The following SLC35F6 variants were observed in gnomAD, a reference collection of about 807,000 sequenced individuals.
SLC35F6 encodes the protein ANT2-binding protein.
In SLC35F6, 26 loss-of-function variants were observed where a neutral mutation model predicts 29.4. The observed-to-expected ratio is 0.89, with a 90% confidence interval of 0.65 to 1.23. The LOEUF is 1.23. SLC35F6 is among the 50% of genes most tolerant of loss of function. The pLI, the probability that SLC35F6 is intolerant of heterozygous loss-of-function variation, is 0.00. For missense variants in SLC35F6, 428 were observed against 487.8 expected, an observed-to-expected ratio of 0.88 and a Z score of 1.15; for synonymous variants, 174 against 206.6, an observed-to-expected ratio of 0.84 and a Z score of 1.35.
At chr2:26,765,093 T>G in intron 1 of SLC35F6, 36 of 884,116 alleles carry the variant, frequency 4.1e-5, no homozygotes, top group South Asian at 1.5e-4. Context: ...AGGAGTGGTT[T>G]GGTGCAGGAA....
At position 26,778,543 on chromosome 2, in the gene SLC35F6, T is replaced by G. The variant is rs1270165489; in HGVS notation, c.*32T>G. On this transcript the variant is annotated 3_prime_UTR_variant, in exon 6 of 6. Coordinates refer to ENST00000344420, the MANE Select transcript of SLC35F6 (RefSeq NM_017877.4). ...CTGGAGGCTTCTACTGCCACCCGGG[T>G]GCTCCTTCTCCCTGAGACTGAGGCC... is the stretch of plus-strand genomic sequence containing the variant. 3 of 1,537,368 alleles carry G rather than the reference T, an allele frequency of 2.0e-6. No homozygotes were observed. In the African/African-American group the frequency reaches 4.1e-5, roughly 21 times the overall value.
chr2:26,775,455 C>T lies in SLC35F6; in HGVS notation c.323-9C>T. 1 of 1,609,822 alleles carries T rather than the reference C, an allele frequency of 6.2e-7. No individual in the cohort carries two copies. Among genetic ancestry groups the T allele is most frequent in the South Asian group, 1.1e-5 (1 of 90,940 alleles). On this transcript the variant is annotated splice_polypyrimidine_tract_variant and intron_variant, in intron 3 of 5. Coordinates refer to ENST00000344420, the MANE Select transcript of SLC35F6 (RefSeq NM_017877.4). The surrounding 1 kb of genome is among the most constrained non-coding windows in gnomAD (Gnocchi z 4.6). ...GGAAGCTAACTGTAATTTGTTTCTC[C>T]TTTCCTAGCTCTGAACATGACCAGT...
In SLC35F6 at chr2:26,775,647, G is replaced by A; in HGVS notation, c.506G>A (p.Ser169Asn). ...GCTGACCTCCTGAGCAAGCACGACA[G>A]TCAGCACAAGCTCAGCGAAGTGATC... is the stretch of plus-strand genomic sequence containing the variant. ...GLADLLSKHD[S>N]QHKLSEVITG... Residue 169 changes from serine (S) to asparagine (N), a missense_variant, in exon 4 of 6, where the codon AGT becomes AAT. Transcript: ENST00000344420. The surrounding 1 kb of genome is among the most constrained non-coding windows in gnomAD (Gnocchi z 4.6). 6.3e-7 allele frequency: 1 copy of A among 1,596,104 alleles called. No individual in the cohort carries two copies. The highest frequency in any genetic ancestry group is 8.5e-7 in the Non-Finnish European group (1 of 1,174,122).
intron 1 of SLC35F6, among the ~76,000 whole-genome samples, chr2:26,769,553 C>A (rs146480295): frequency 2.0e-5 from 3 of 152,238 alleles, no homozygotes; most frequent in Admixed American, 6.5e-5. Context: ...TCTGAGGAGC[C>A]GTGAGCCCCT....
At chr2:26,774,107 G>A in intron 1 of SLC35F6, 144 bp from the exon 2 acceptor site, 4 of 770,194 alleles carry the variant, frequency 5.2e-6, no homozygotes, top group South Asian at 1.8e-5. Context: ...TCCTTGAGGT[G>A]AAGACTGACC....
intron 1 of SLC35F6, among the ~76,000 whole-genome samples, chr2:26,765,353 A>G (rs1664078895): frequency 1.3e-5 from 1 of 79,040 alleles, no homozygotes; most frequent in Non-Finnish European, 2.5e-5. Flanking sequence ...AGTTCCCAGG[A>G]GGTTAGGGAC....
chr2:26,769,030 G>A (rs1268887837), intron 1 of SLC35F6, among the ~76,000 whole-genome samples: 1 of 152,202 alleles, frequency 6.6e-6, no homozygotes, highest in East Asian at 1.9e-4. Context: ...ACCCCAGAGA[G>A]TGGAGAAGCC....
In SLC35F6 at chr2:26,776,471, T is replaced by C. The variant is rs763422300; in HGVS notation, c.635T>C (p.Val212Ala). 11 of 1,613,964 alleles carry C rather than the reference T, an allele frequency of 6.8e-6. No individual in the cohort carries two copies. In the South Asian group the frequency reaches 1.2e-4, roughly 18 times the overall value. The change falls in exon 5 of 6, where the codon GTT becomes GCT. Residue 212 changes from valine (V) to alanine (A), a missense_variant. Transcript: ENST00000344420. ...YKHNVHPLRA[V>A]GTEGLFGFVI... ...CACAATGTGCACCCACTGCGGGCAGTTGGCACTGAGGGTGTGTGTGGGCAC... is the reference window on the plus strand; with the variant it reads ...CACAATGTGCACCCACTGCGGGCAGCTGGCACTGAGGGTGTGTGTGGGCAC...
At chr2:26,767,762 G>T (rs1194250492) in intron 1 of SLC35F6, among the ~76,000 whole-genome samples, 1 of 152,146 alleles carries the variant, frequency 6.6e-6, no homozygotes, top group East Asian at 1.9e-4. Context: ...TGTAATCCCA[G>T]ACTGGAGGCT....
intron 1 of SLC35F6, among the ~76,000 whole-genome samples, chr2:26,765,657 C>T (rs1572630008): frequency 6.6e-6 from 1 of 152,234 alleles, no homozygotes; most frequent in East Asian, 1.9e-4. Context: ...AGTGTTCTCC[C>T]TTCCCCAAAC....
In SLC35F6 at chr2:26,775,138, C is replaced by T. The variant is rs370226573; in HGVS notation, c.245C>T (p.Pro82Leu). 1.9e-6 allele frequency: 3 copies of T among 1,614,170 alleles called. No individual in the cohort carries two copies. Among genetic ancestry groups the T allele is most frequent in the Non-Finnish European group, 2.5e-6 (3 of 1,180,046 alleles). The stretch of plus-strand genomic sequence containing the variant: ...GGGCAATCAGACTCCAGCGTAGACC[C>T]CCAGCAGCCCTTCAACCCTCTTCTT... Reference protein sequence around the residue: ...AAGQSDSSVDPQQPFNPLLFL... With the variant: ...AAGQSDSSVDLQQPFNPLLFL... Residue 82 changes from proline to leucine, a missense_variant, in exon 3 of 6, where the codon CCC becomes CTC. Pro to Leu is a moderately conservative substitution (Grantham distance 98, BLOSUM62 -3). Coordinates refer to ENST00000344420, the MANE Select transcript of SLC35F6 (RefSeq NM_017877.4). The surrounding 1 kb of genome is among the most constrained non-coding windows in gnomAD (Gnocchi z 4.6).
rs1264511065 is a variant in SLC35F6 at position 26,778,352 on chromosome 2, G to C, written c.957G>C (p.Gln319His). 1.2e-6 allele frequency: 2 copies of C among 1,614,166 alleles called. No homozygotes were observed. Among genetic ancestry groups the C allele is most frequent in the Non-Finnish European group, 1.7e-6 (2 of 1,180,028 alleles). Residue 319 changes from glutamine (Q) to histidine (H), a missense_variant, in exon 6 of 6, where the codon CAG (glutamine) becomes CAC (histidine). By Grantham distance (24) the Gln-to-His change is conservative. Coordinates refer to ENST00000344420, the MANE Select transcript of SLC35F6 (RefSeq NM_017877.4). ...GCTGGGAGGCCTTCCATGCACTGCA[G>C]ATCCTTGGCTTCCTCATACTCCTTA... ...ALGWEAFHAL[Q>H]ILGFLILLIG...
At chr2:26,765,190 G>T (rs1664075599) in intron 1 of SLC35F6, among the ~76,000 whole-genome samples, 1 of 152,236 alleles carries the variant, frequency 6.6e-6, no homozygotes, top group African/African-American at 2.4e-5. Context: ...TGGTGGCAGA[G>T]ACCAGGTGTG....
chr2:26,774,468 C>G (rs1664260793), intron 2 of SLC35F6, 145 bp downstream of exon 2: 6 of 884,112 alleles, frequency 6.8e-6, no homozygotes, highest in Non-Finnish European at 1.0e-5. Flanking sequence ...TCTTTCCCTC[C>G]CCAGAGCAGA....
At position 26,775,754 on chromosome 2, in the gene SLC35F6, G is replaced by A; in HGVS notation, c.535+78G>A. 3 of 1,436,930 alleles carry A rather than the reference G, an allele frequency of 2.1e-6. No individual in the cohort carries two copies. The highest frequency in any genetic ancestry group is 2.8e-6 in the Non-Finnish European group (3 of 1,083,926). The allele number at this position is 1,436,930 out of a possible 1,614,324, so 89.0% of individuals were successfully genotyped here. A position where few individuals can be genotyped will look rare whatever the true frequency, so the allele number is the denominator to read the frequency against. ...GGGAGCCCAGCACAGACTCATACAA[G>A]CTCTGCCATGTGCCATATACCAAGC... On this transcript the variant is annotated intron_variant, in intron 4 of 5. Transcript: ENST00000344420. This position sits in a 1 kb window ranked among gnomAD's most constrained non-coding sequence, Gnocchi z 4.6.
intron 1 of SLC35F6, among the ~76,000 whole-genome samples, chr2:26,769,335 T>A (rs1664152664): frequency 6.6e-6 from 1 of 152,188 alleles, no homozygotes; most frequent in Non-Finnish European, 1.5e-5. Flanking sequence ...GGCCTCAGCT[T>A]GTCCCCGCTA....
At chr2:26,767,068 G>T (rs1281603084) in intron 1 of SLC35F6, among the ~76,000 whole-genome samples, 2 of 152,204 alleles carry the variant, frequency 1.3e-5, no homozygotes, top group African/African-American at 4.8e-5. Flanking sequence ...ACTGTTTGGT[G>T]TCTGAATGAA....
rs900215351 is a variant in SLC35F6, at chr2:26,775,291, C to A, written c.322+76C>A. On this transcript the variant is annotated intron_variant, in intron 3 of 5. Coordinates refer to ENST00000344420, the MANE Select transcript of SLC35F6 (RefSeq NM_017877.4). This position sits in a 1 kb window ranked among gnomAD's most constrained non-coding sequence, Gnocchi z 4.6. ...GGGGCTACTGGTGAAACAGCCCTAT[C>A]CCACCCACCTCCACTTCATCCCACC... is the stretch of plus-strand genomic sequence containing the variant. The A allele has an allele frequency of 6.4e-7, 1 of 1,554,240 alleles. No individual in the cohort carries two copies. The highest frequency in any genetic ancestry group is 1.4e-5 in the African/African-American group (1 of 73,474).
chr2:26,764,644 C>T (rs1213301792), intron 1 of SLC35F6, among the ~76,000 whole-genome samples: 2 of 152,252 alleles, frequency 1.3e-5, no homozygotes, highest in African/African-American at 4.8e-5. Flanking sequence ...CTTTGATTTG[C>T]TGTACAGCCT....
Sources: allele counts gnomAD v4.1 joint callset (sites outside exome capture counted in the v4.1 genomes callset), GRCh38; gene constraint gnomAD v4.1.1; non-coding constraint Gnocchi (gnomAD v3.1); transcripts MANE v1.5; gene names NCBI Gene and HGNC (gene_info 2026-07-23, HGNC 2026-07-21).